CD163L1: variants seen among roughly 807,000 people sequenced by gnomAD.
CD163L1 encodes the protein scavenger receptor cysteine-rich type 1 protein M160.
In CD163L1, 124 loss-of-function variants were observed where a neutral mutation model predicts 165.4. That is an observed-to-expected ratio of 0.75 (90% CI 0.65 to 0.87). The LOEUF (loss-of-function observed/expected upper bound fraction) is 0.87. Ranked by LOEUF, CD163L1 falls within the 40% of genes least tolerant of loss-of-function variation. The pLI, the probability that CD163L1 is intolerant of heterozygous loss-of-function variation, is 0.00. For synonymous variants in CD163L1, 585 were observed against 662.2 expected, an observed-to-expected ratio of 0.88 and a Z score of 1.79; for missense variants, 1,525 against 1,799.9, an observed-to-expected ratio of 0.85 and a Z score of 2.76.
intron 5 of CD163L1, among the ~76,000 whole-genome samples, chr12:7,404,196 C>G (rs1947970049): frequency 6.6e-6 from 1 of 151,908 alleles, no homozygotes; most frequent in African/African-American, 2.4e-5. Context: ...CCATATAAAC[C>G]TATATATCAT....
chr12:7,341,337 T>C, the CD163L1 span, among the ~76,000 whole-genome samples: 5 of 152,230 alleles, frequency 3.3e-5, no homozygotes, highest in Non-Finnish European at 7.3e-5. Flanking sequence ...ATTATCTGCA[T>C]AGATATGGGA....
Position 7,374,843 on chromosome 12 carries a change from A to T in CD163L1, c.3082T>A (p.Leu1028Met). 6.2e-7 allele frequency: 1 copy of T among 1,614,210 alleles called. No individual in the cohort carries two copies. Among genetic ancestry groups the T allele is most frequent in the Non-Finnish European group, 8.5e-7 (1 of 1,180,014 alleles). Residue 1028 changes from leucine to methionine, a missense_variant, in exon 12 of 20, where the codon TTG becomes ATG. Coordinates refer to ENST00000313599, the MANE Select transcript of CD163L1 (RefSeq NM_174941.6). The surrounding 1 kb of genome is among the most constrained non-coding windows in gnomAD (Gnocchi z 5.4). ...YLSAVPEGSA[L>M]ICLEDKRLRL... ...TGATTCTGCTTACCTAAGCAGATCA[A>T]AGCACTGCCCTCTGGAACTGCAGAC...
chr12:7,412,693 AAG>A (rs770983440), intron 4 of CD163L1, among the ~76,000 whole-genome samples: 71 of 152,184 alleles, frequency 4.7e-4, no homozygotes, highest in Non-Finnish European at 5.1e-4. Flanking sequence ...GGCAAGCCAA[AAG>A]AACATAAGCC....
At position 7,374,375 on chromosome 12, in the gene CD163L1, T is replaced by G; in HGVS notation, c.3409+67A>C. On this transcript the variant is annotated intron_variant, in intron 13 of 19. Transcript: ENST00000313599. The surrounding 1 kb of genome is among the most constrained non-coding windows in gnomAD (Gnocchi z 5.4). The stretch of plus-strand genomic sequence containing the variant: ...ATACACTTTTCACTACACTTTACAA[T>G]TGTGTTGTGTGTGTGCAAGTGTGTG... 2 of 1,468,372 alleles carry G rather than the reference T, an allele frequency of 1.4e-6. No individual in the cohort carries two copies. The highest frequency in any genetic ancestry group is 1.8e-6 in the Non-Finnish European group (2 of 1,086,462). The allele number at this position is 1,468,372 out of a possible 1,614,324, so 91.0% of individuals were successfully genotyped here.
rs1189864377 is a variant in CD163L1 at position 7,440,130 on chromosome 12, G to A, written c.124+1024C>T. The A allele has an allele frequency of 1.7e-5, 12 of 706,278 alleles. No individual in the cohort carries two copies. In the Admixed American group the frequency reaches 2.8e-4, roughly 16 times the overall value. The allele number at this position is 706,278 out of a possible 1,614,324, so 43.8% of individuals were successfully genotyped here. A position where few individuals can be genotyped will look rare whatever the true frequency, so the allele number is the denominator to read the frequency against. On this transcript the variant is annotated intron_variant, in intron 2 of 19. Coordinates refer to ENST00000313599, the MANE Select transcript of CD163L1 (RefSeq NM_174941.6). ...GCGGGCTTGGACCCGCCGCGCCAGC[G>A]TGGCCACGTCCCGCTCAGGCTCCGC...
chr12:7,348,371 G>A (rs1946685147), intron 4 of CD163L1, among the ~76,000 whole-genome samples: 1 of 152,222 alleles, frequency 6.6e-6, no homozygotes, highest in Non-Finnish European at 1.5e-5. Flanking sequence ...CTTATTGATT[G>A]TAAGAAGAGA....
chr12:7,439,733 C>G (rs1948788136), intron 2 of CD163L1: 1 of 1,611,396 alleles, frequency 6.2e-7, no homozygotes, highest in Non-Finnish European at 8.5e-7. Flanking sequence ...GTATCGTCAT[C>G]CGATGTATAG....
the CD163L1 span, among the ~76,000 whole-genome samples, chr12:7,337,559 A>G: frequency 3.9e-3 from 592 of 152,206 alleles, 6 homozygotes; most frequent in African/African-American, 0.014. Context: ...GCCAACAAAC[A>G]TACCAAAAAA....
intron 2 of CD163L1, chr12:7,439,041 T>G: frequency 6.2e-7 from 1 of 1,603,972 alleles, no homozygotes; most frequent in Non-Finnish European, 8.5e-7. Context: ...TCCTCAGCAC[T>G]CATGGCACTG....
At chr12:7,324,141 G>A in the CD163L1 span, 1 of 1,092,998 alleles carries the variant, frequency 9.1e-7, no homozygotes, top group Non-Finnish European at 1.3e-6. Flanking sequence ...AGGCAACAGA[G>A]AGAGACTCTG....
At chr12:7,421,064 T>TAC (rs1435429769) in intron 4 of CD163L1, among the ~76,000 whole-genome samples, 6 of 87,402 alleles carry the variant, frequency 6.9e-5, no homozygotes, top group African/African-American at 3.8e-4. Flanking sequence ...TACGTATATA[T>TAC]GTATATATAC....
chr12:7,390,551 A>C (rs1947631616), intron 8 of CD163L1, among the ~76,000 whole-genome samples: 1 of 152,190 alleles, frequency 6.6e-6, no homozygotes, highest in Non-Finnish European at 1.5e-5. Context: ...GCTTCCAGAA[A>C]ACAACAGGTA....
intron 1 of CD163L1, 126 bp from the exon 2 acceptor site, chr12:7,441,372 A>G (rs753197586): frequency 5.9e-6 from 4 of 680,950 alleles, no homozygotes; most frequent in South Asian, 5.8e-5. Context: ...CCTGTCAAGG[A>G]TACCGCACAA....
intron 18 of CD163L1, among the ~76,000 whole-genome samples, chr12:7,362,626 A>G (rs1946927823): frequency 6.9e-6 from 1 of 145,220 alleles, no homozygotes; most frequent in African/African-American, 2.5e-5. Context: ...TATAGTATAA[A>G]TATAAATATA....
Position 7,396,100 on chromosome 12 carries a change from C to T in CD163L1, c.2045G>A (p.Cys682Tyr), listed in dbSNP as rs1472754363. ...CCCTGGTTTGGGTATCTTACCAGAA[C>T]AGATCACTCCAACATCTTCACTGTG... ...CSHSEDVGVI[C>Y]SDASDMELRL... Residue 682 changes from cysteine (C) to tyrosine (Y), a missense_variant, in exon 8 of 20, where the codon TGT becomes TAT. Coordinates refer to ENST00000313599, the MANE Select transcript of CD163L1 (RefSeq NM_174941.6). The T allele has an allele frequency of 1.2e-6, 2 of 1,610,852 alleles. No individual in the cohort carries two copies. Among genetic ancestry groups the T allele is most frequent in the Non-Finnish European group, 1.7e-6 (2 of 1,178,242 alleles).
At chr12:7,362,183 T>C (rs1377619875) in intron 18 of CD163L1, among the ~76,000 whole-genome samples, 1 of 144,896 alleles carries the variant, frequency 6.9e-6, no homozygotes, top group African/African-American at 2.5e-5. Flanking sequence ...TTATATAAAT[T>C]ATACATATAT....
At chr12:7,408,842 C>T (rs952082746) in intron 4 of CD163L1, among the ~76,000 whole-genome samples, 2 of 152,174 alleles carry the variant, frequency 1.3e-5, no homozygotes, top group Non-Finnish European at 2.9e-5. Flanking sequence ...TGTACTTGTA[C>T]TTTTTTGACT....
chr12:7,325,464 T>C, the CD163L1 span, among the ~76,000 whole-genome samples: 1 of 152,182 alleles, frequency 6.6e-6, no homozygotes, highest in Non-Finnish European at 1.5e-5. Context: ...CTGGCCAACA[T>C]GGTGAAACCC....
At chr12:7,344,201 C>T (rs1392963337), downstream of CD163L1, among the ~76,000 whole-genome samples, 1 of 152,046 alleles carries the variant, frequency 6.6e-6, no homozygotes, top group Non-Finnish European at 1.5e-5. Context: ...TTACCTCAGC[C>T]TCCCTAGGAG....
Sources: gnomAD v4.1 joint callset for allele counts (sites outside exome capture counted in the v4.1 genomes callset) on GRCh38, gnomAD v4.1.1 for gene constraint, Gnocchi (gnomAD v3.1) non-coding constraint, MANE v1.5 for transcripts, NCBI Gene and HGNC (gene_info 2026-07-23, HGNC 2026-07-21) for gene names.